The following ZEB2 variants were observed in gnomAD, a reference collection of about 807,000 sequenced individuals.
The protein encoded by ZEB2 is zinc finger E-box-binding homeobox 2.
ZEB2 carries 6 observed loss-of-function variants against 99.9 expected under a neutral mutation model. The ratio of observed to expected loss-of-function variants is 0.06; its 90% confidence interval spans 0.03 to 0.12. ZEB2 has a LOEUF of 0.12. Among genes scored for constraint, ZEB2 ranks in the 10% least tolerant of loss-of-function variants. The pLI, the probability that ZEB2 is intolerant of heterozygous loss-of-function variation, is 1.00. For missense variants in ZEB2, 969 were observed against 1,502.8 expected, an observed-to-expected ratio of 0.64 and a Z score of 5.87; for synonymous variants, 517 against 542.5, an observed-to-expected ratio of 0.95 and a Z score of 0.65.
intron 2 of ZEB2, chr2:144,462,570 T>C (rs1704209698): frequency 6.6e-6 from 1 of 152,160 alleles, no homozygotes; most frequent in Non-Finnish European, 1.5e-5. Flanking sequence ...GAAATTATGA[T>C]ATAACTCAAG....
intron 4 of ZEB2, among the ~76,000 whole-genome samples, chr2:144,423,703 A>T (rs1378027960): frequency 6.6e-6 from 1 of 152,192 alleles, no homozygotes; most frequent in Non-Finnish European, 1.5e-5. Context: ...GAATAGAATG[A>T]CAATAGGTTT....
At chr2:144,404,715 A>C in intron 5 of ZEB2, 121 bp downstream of exon 5, 1 of 1,301,118 alleles carries the variant, frequency 7.7e-7, no homozygotes, top group Non-Finnish European at 1.1e-6. Flanking sequence ...TTGCTCATGA[A>C]ATTCCATGCC....
At chr2:144,394,614 A>G (rs1573711815) in intron 9 of ZEB2, 2 of 152,250 alleles carry the variant, frequency 1.3e-5, no homozygotes, top group Non-Finnish European at 2.9e-5. Flanking sequence ...TCTACACTAA[A>G]AGAAAATTTT....
intron 2 of ZEB2, among the ~76,000 whole-genome samples, chr2:144,499,037 T>C (rs996211289): frequency 1.3e-5 from 2 of 152,258 alleles, no homozygotes; most frequent in African/African-American, 4.8e-5. Flanking sequence ...TATTGATTTC[T>C]GCCTGAAACA....
chr2:144,459,766 G>A (rs1000461162), intron 2 of ZEB2, among the ~76,000 whole-genome samples: 3 of 152,158 alleles, frequency 2.0e-5, no homozygotes, highest in Admixed American at 2.0e-4. Flanking sequence ...AGGTAACAGA[G>A]CTAAAGAGAA....
rs543911500 is a variant in ZEB2, at chr2:144,385,666, C to T, written c.*3785G>A. ...ACTTGTTTGTGTGTATATCCAGGGC[C>T]CTACAGCCCCTGAATGGCCTCACAC... is the stretch of plus-strand genomic sequence containing the variant. On this transcript the variant is annotated 3_prime_UTR_variant, in exon 10 of 10. Coordinates refer to ENST00000627532, the MANE Select transcript of ZEB2 (RefSeq NM_014795.4). 6.6e-6 allele frequency: 1 copy of T among 152,142 alleles called. No homozygotes were observed. The highest frequency in any genetic ancestry group is 6.5e-5 in the Admixed American group (1 of 15,286). 9.4% of individuals were successfully genotyped at this position (152,142 alleles called of 1,614,324 possible).
intron 2 of ZEB2, among the ~76,000 whole-genome samples, chr2:144,516,918 C>G (rs2149934685): frequency 1.3e-5 from 2 of 151,592 alleles, no homozygotes; most frequent in Admixed American, 1.3e-4. Context: ...CGGACGCTCC[C>G]GAAGCCCGGC....
At chr2:144,412,275 C>T (rs973485840) in intron 4 of ZEB2, among the ~76,000 whole-genome samples, 2 of 152,198 alleles carry the variant, frequency 1.3e-5, no homozygotes, top group African/African-American at 4.8e-5. Flanking sequence ...ATCTCACACA[C>T]ACAAAGAAAA....
At position 144,424,854 on chromosome 2, in the gene ZEB2, T is replaced by G. The variant is rs764762586; in HGVS notation, c.345A>C (p.Glu115Asp). The G allele has an allele frequency of 1.9e-6, 3 of 1,614,004 alleles. No individual in the cohort carries two copies. The highest frequency in any genetic ancestry group is 2.5e-6 in the Non-Finnish European group (3 of 1,179,894). Residue 115 changes from glutamate to aspartate, a missense_variant, in exon 4 of 10, where the codon GAA (glutamate) becomes GAC (aspartate). By Grantham distance (45) the Glu-to-Asp change is conservative. Around this residue, in one of 8 missense-constraint regions of ZEB2, gnomAD observed 173 missense variants for 217.7 expected, o/e 0.79. Transcript: ENST00000627532. ...CTTCTGGCCCCATAGTGTCATAGTC[T>G]TCCTTCATTTCTTCTGTGGGGGAAA... ...ASVDGPEEMK[E>D]DYDTMGPEAT...
intron 9 of ZEB2, among the ~76,000 whole-genome samples, chr2:144,394,722 C>T (rs1414806109): frequency 6.6e-6 from 1 of 152,088 alleles, no homozygotes; most frequent in African/African-American, 2.4e-5. Flanking sequence ...AAAATAATAA[C>T]AATGAATATC....
chr2:144,493,252 G>A (rs778210921), intron 2 of ZEB2, among the ~76,000 whole-genome samples: 9 of 152,006 alleles, frequency 5.9e-5, no homozygotes, highest in Non-Finnish European at 2.9e-5. Flanking sequence ...TGCCTCCATC[G>A]TAGGGTTCCT....
chr2:144,434,311 A>G (rs187405987), intron 2 of ZEB2, among the ~76,000 whole-genome samples: 1 of 152,324 alleles, frequency 6.6e-6, no homozygotes, highest in Admixed American at 6.5e-5. Context: ...ACAATGTGGC[A>G]AATCCAGAAG....
intron 1 of ZEB2, 59 bp from the exon 2 acceptor site, chr2:144,517,478 G>T: frequency 8.4e-7 from 1 of 1,184,990 alleles, no homozygotes; most frequent in Non-Finnish European, 1.2e-6. Context: ...AACGCGCGCG[G>T]GCCGCCCAGG....
intron 2 of ZEB2, among the ~76,000 whole-genome samples, chr2:144,445,429 A>C (rs145864368): frequency 6.6e-6 from 1 of 152,150 alleles, no homozygotes; most frequent in East Asian, 1.9e-4. Flanking sequence ...TCACTCTTCC[A>C]CATTCATTCT....
At position 144,471,905 on chromosome 2, in the gene ZEB2, G is replaced by A. The variant is rs143926614; in HGVS notation, c.74-41879C>T. ...GGTCTTAGAGGTATCTTAACAGCTTGTATGAATTTTCCACCAAAACGTAAA... is the reference window on the plus strand; with the variant it reads ...GGTCTTAGAGGTATCTTAACAGCTTATATGAATTTTCCACCAAAACGTAAA... On this transcript the variant is annotated intron_variant, in intron 2 of 9. Coordinates refer to ENST00000627532, the MANE Select transcript of ZEB2 (RefSeq NM_014795.4). 2.5e-3 allele frequency among the ~76,000 whole-genome samples: 373 copies of A among 151,832 alleles called. 2 individuals are homozygous for A. The highest frequency in any genetic ancestry group is 8.4e-3 in the African/African-American group (349 of 41,408).
intron 6 of ZEB2, among the ~76,000 whole-genome samples, chr2:144,401,588 G>A (rs962850630): frequency 2.0e-5 from 3 of 152,158 alleles, no homozygotes; most frequent in African/African-American, 7.2e-5. Context: ...TTGGGGACGA[G>A]GAAGTATAAC....
chr2:144,476,859 C>T (rs1011681968), intron 2 of ZEB2, among the ~76,000 whole-genome samples: 7 of 152,152 alleles, frequency 4.6e-5, no homozygotes, highest in South Asian at 2.1e-4. Flanking sequence ...TTGCTGATTT[C>T]GCACTGCCTT....
At chr2:144,460,972 A>C (rs1215994176) in intron 2 of ZEB2, 1 of 152,174 alleles carries the variant, frequency 6.6e-6, no homozygotes, top group Non-Finnish European at 1.5e-5. Flanking sequence ...AACACATAAC[A>C]TAAGTTTGTG....
intron 2 of ZEB2, chr2:144,449,857 G>A (rs1042872592): frequency 5.9e-5 from 9 of 152,216 alleles, no homozygotes; most frequent in Non-Finnish European, 1.2e-4. Context: ...AAGATGTCCA[G>A]CTTAGTACAG....
Sources: gnomAD v4.1 joint callset for allele counts (sites outside exome capture counted in the v4.1 genomes callset) on GRCh38, gnomAD v4.1.1 for gene constraint, gnomAD v4.1.1 regional missense constraint, MANE v1.5 for transcripts, NCBI Gene and HGNC (gene_info 2026-07-23, HGNC 2026-07-21) for gene names.